The following WDFY3 variants were observed in gnomAD, a reference collection of about 807,000 sequenced individuals.
WDFY3 encodes the protein WD repeat and FYVE domain containing 3, also known as WD repeat and FYVE domain-containing protein 3.
WDFY3 carries 66 observed loss-of-function variants against 409.6 expected under a neutral mutation model. The ratio of observed to expected loss-of-function variants is 0.16; its 90% CI spans 0.13 to 0.20. WDFY3 has a LOEUF of 0.20. WDFY3 is among the 10% of genes least tolerant of loss of function. The pLI, the probability that WDFY3 is intolerant of heterozygous loss-of-function variation, is 1.00. For missense variants in WDFY3, 3,031 were observed against 4,298.1 expected, an observed-to-expected ratio of 0.71 and a Z score of 8.24; for synonymous variants, 1,521 against 1,537.1, an observed-to-expected ratio of 0.99 and a Z score of 0.25.
At chr4:84,801,532 A>G in intron 17 of WDFY3, 118 bp downstream of exon 17, 2 of 1,021,260 alleles carry the variant, frequency 2.0e-6, no homozygotes, top group Non-Finnish European at 2.7e-6. Flanking sequence ...CATTTTTGTT[A>G]TATTTTGCCC....
At chr4:84,948,842 G>A (rs1029846447) in intron 1 of WDFY3, among the ~76,000 whole-genome samples, 1 of 152,136 alleles carries the variant, frequency 6.6e-6, no homozygotes, top group Non-Finnish European at 1.5e-5. Flanking sequence ...GATAGCTAGA[G>A]TCCAGTACCC....
Position 84,821,454 on chromosome 4 carries a change from G to T in WDFY3, c.1221C>A (p.Ile407=), listed in dbSNP as rs1754043488. 1.9e-6 allele frequency: 3 copies of T among 1,613,850 alleles called. No individual in the cohort carries two copies. The East Asian group carries it at 6.7e-5, about 36-fold the overall frequency. The part of the protein sequence containing the change: ...SFLAQIILDA[I]TNIYMADNAN... ...CATTGTCAGCCATGTAAATATTTGT[G>T]ATAGCATCAAGGATGATTTGGGCAA... is the stretch of plus-strand genomic sequence containing the variant. The change falls in exon 11 of 68, where the codon ATC becomes ATA. Residue 407 remains isoleucine (I), a synonymous_variant. Coordinates refer to ENST00000295888, the MANE Select transcript of WDFY3 (RefSeq NM_014991.6).
At chr4:84,799,147 T>A (rs1030279478) in intron 17 of WDFY3, among the ~76,000 whole-genome samples, 1 of 152,216 alleles carries the variant, frequency 6.6e-6, no homozygotes, top group Non-Finnish European at 1.5e-5. Flanking sequence ...TTAGAGTTTT[T>A]TATTTATCAT....
intron 2 of WDFY3, among the ~76,000 whole-genome samples, chr4:84,929,632 G>A (rs1026032628): frequency 9.9e-5 from 15 of 152,098 alleles, no homozygotes; most frequent in African/African-American, 2.9e-4. Flanking sequence ...ACACAGGACC[G>A]GGCGTGGTGG....
chr4:84,812,050 G>C (rs1050073985), intron 13 of WDFY3, among the ~76,000 whole-genome samples: 1 of 151,986 alleles, frequency 6.6e-6, no homozygotes, highest in Non-Finnish European at 1.5e-5. Flanking sequence ...TTTGGATGAG[G>C]GATGCTCAAC....
At chr4:84,820,210 A>G (rs1386570992) in intron 11 of WDFY3, 24 bp from the exon 12 acceptor site, 4 of 1,561,750 alleles carry the variant, frequency 2.6e-6, no homozygotes, top group Admixed American at 3.7e-5. Flanking sequence ...CAAAGGTCCA[A>G]ATTACAAAAG....
intron 44 of WDFY3, among the ~76,000 whole-genome samples, chr4:84,730,046 A>C (rs559428845): frequency 6.6e-6 from 1 of 152,330 alleles, no homozygotes; most frequent in South Asian, 2.1e-4. Context: ...ATATTTTTTA[A>C]TATAGATCAG....
Position 84,925,242 on chromosome 4 carries a change from G to T in WDFY3, c.-132+7028C>A, listed in dbSNP as rs899789976. On this transcript the variant is annotated intron_variant, in intron 2 of 67. Coordinates refer to ENST00000295888, the MANE Select transcript of WDFY3 (RefSeq NM_014991.6). Reference sequence around the variant, plus strand: ...CAATTTCTACTCTATTAGCCTCAAAGAAACCTCTCTTAATTGTTCTCATTT... The same window carrying T: ...CAATTTCTACTCTATTAGCCTCAAATAAACCTCTCTTAATTGTTCTCATTT... 5.3e-5 allele frequency among the ~76,000 whole-genome samples: 8 copies of T among 152,026 alleles called. 1 individual carries two copies. The highest frequency in any genetic ancestry group is 1.9e-4 in the African/African-American group (8 of 41,382).
At chr4:84,864,815 C>T (rs770947219) in intron 3 of WDFY3, among the ~76,000 whole-genome samples, 10 of 152,184 alleles carry the variant, frequency 6.6e-5, no homozygotes, top group Admixed American at 2.0e-4. Context: ...CTAGTTAGCA[C>T]GTTTATTTAT....
rs187629204 is a variant in WDFY3, at chr4:84,936,192, A to G, written c.-225-3829T>C. Among the ~76,000 whole-genome samples the G allele has an allele frequency of 2.4e-3, 358 of 152,230 alleles. 2 individuals carry two copies. Among genetic ancestry groups the G allele is most frequent in the Admixed American group, 4.0e-3 (61 of 15,278 alleles). On this transcript the variant is annotated intron_variant, in intron 1 of 67. Transcript: ENST00000295888. ...ATGTCTTCTGAGTTGGTTTTCTTAT[A>G]TTAATACTTAAAATGGAAATTGTGC...
intron 12 of WDFY3, among the ~76,000 whole-genome samples, 164 bp from the exon 13 acceptor site, chr4:84,817,749 C>A (rs1334703918): frequency 1.3e-5 from 2 of 152,124 alleles, no homozygotes; most frequent in African/African-American, 4.8e-5. Flanking sequence ...CAAATTTGCA[C>A]AGTGGGTTGT....
intron 30 of WDFY3, among the ~76,000 whole-genome samples, chr4:84,770,173 C>T (rs954675554): frequency 1.3e-5 from 2 of 151,782 alleles, no homozygotes; most frequent in Admixed American, 6.6e-5. Context: ...GGACCACAGG[C>T]GCCCACCACC....
chr4:84,679,346 CATA>C (rs1726926667), intron 64 of WDFY3, 104 bp from the exon 65 acceptor site: 3 of 1,150,454 alleles, frequency 2.6e-6, no homozygotes, highest in African/African-American at 3.2e-5. Flanking sequence ...CCTCTATAGA[CATA>C]ATATTTTAAG....
At chr4:84,873,222 TAC>T in intron 3 of WDFY3, among the ~76,000 whole-genome samples, 1 of 152,140 alleles carries the variant, frequency 6.6e-6, no homozygotes, top group Non-Finnish European at 1.5e-5. Flanking sequence ...AACAGCAGAA[TAC>T]ACATTCTTCT....
chr4:84,703,075 G>A (rs1194235451), intron 55 of WDFY3, among the ~76,000 whole-genome samples: 2 of 151,274 alleles, frequency 1.3e-5, no homozygotes, highest in Non-Finnish European at 2.9e-5. Flanking sequence ...CCAGCCTGGG[G>A]GATAGCGAGA....
chr4:84,932,959 T>G (rs898215566), intron 1 of WDFY3, among the ~76,000 whole-genome samples: 1 of 152,164 alleles, frequency 6.6e-6, no homozygotes, highest in South Asian at 2.1e-4. Flanking sequence ...ATGAAAACAT[T>G]AGCATATGAA....
rs560689090 is a variant in WDFY3, at chr4:84,855,720, T to C, written c.180+4692A>G. ...AAATAATTTGCTATAAATAACAATG[T>C]TAAAAAATTAACAATGAAGATGTAA... On this transcript the variant is annotated intron_variant, in intron 4 of 67. Transcript: ENST00000295888. 2.6e-5 allele frequency among the ~76,000 whole-genome samples: 4 copies of C among 152,340 alleles called. No individual in the cohort carries two copies. The East Asian group carries it at 7.7e-4, about 29-fold the overall frequency.
chr4:84,872,094 A>T (rs575527560), intron 3 of WDFY3, among the ~76,000 whole-genome samples: 75 of 152,288 alleles, frequency 4.9e-4, no homozygotes, highest in African/African-American at 1.7e-3. Context: ...CCTGCAGTAT[A>T]CCTCAGTGAT....
In WDFY3 at chr4:84,716,534, C is replaced by T. The variant is rs563652395; in HGVS notation, c.7875+362G>A. On this transcript the variant is annotated intron_variant, in intron 49 of 67. Coordinates refer to ENST00000295888, the MANE Select transcript of WDFY3 (RefSeq NM_014991.6). Reference sequence around the variant, plus strand: ...ATTTTCGGCCGGGCGCGGTGGCTCACGCCTGTAATCCCAGCACTTTGGGAG... The same window carrying T: ...ATTTTCGGCCGGGCGCGGTGGCTCATGCCTGTAATCCCAGCACTTTGGGAG... 1.3e-4 allele frequency among the ~76,000 whole-genome samples: 20 copies of T among 151,148 alleles called. No individual in the cohort carries two copies. The East Asian group carries it at 3.0e-3, about 22-fold the overall frequency.
Sources: gnomAD v4.1 joint callset for allele counts (sites outside exome capture counted in the v4.1 genomes callset) on GRCh38, gnomAD v4.1.1 for gene constraint, MANE v1.5 for transcripts, NCBI Gene and HGNC (gene_info 2026-07-23, HGNC 2026-07-21) for gene names.